DERA: variants seen among roughly 807,000 people sequenced by gnomAD.
DERA encodes the protein deoxyribose-phosphate aldolase.
Under a neutral mutation model 41.1 loss-of-function variants are expected in DERA, and 15 were observed. That is an observed-to-expected ratio of 0.37 (90% confidence interval 0.24 to 0.56). The LOEUF (loss-of-function observed/expected upper bound fraction) is 0.56, where lower values mean the gene tolerates loss of function less well. Among genes scored for constraint, DERA ranks in the 20% least tolerant of loss-of-function variants. DERA has a pLI of 0.81. For synonymous variants in DERA, 139 were observed against 137.4 expected, an observed-to-expected ratio of 1.01 and a Z score of -0.08; for missense variants, 396 against 403.4, an observed-to-expected ratio of 0.98 and a Z score of 0.16.
intron 1 of DERA, 68 bp from the exon 2 acceptor site, chr12:15,956,868 A>T: frequency 9.3e-7 from 1 of 1,078,124 alleles, no homozygotes; most frequent in Non-Finnish European, 1.4e-6. Context: ...TTCAAGGACC[A>T]TGTAAAAATA....
At chr12:15,944,663 C>T (rs1396419619) in intron 1 of DERA, among the ~76,000 whole-genome samples, 2 of 152,162 alleles carry the variant, frequency 1.3e-5, no homozygotes, top group Admixed American at 1.3e-4. Flanking sequence ...CAAAAATTTT[C>T]TCCCATTCTG....
chr12:15,947,744 C>T (rs139506146), intron 1 of DERA, among the ~76,000 whole-genome samples: 2,479 of 152,122 alleles, frequency 0.016, 76 homozygotes, highest in African/African-American at 0.057. Context: ...AATTTGATCC[C>T]GTCATTATGA....
At chr12:16,031,850 C>T (rs552088985) in intron 6 of DERA, among the ~76,000 whole-genome samples, 1 of 152,238 alleles carries the variant, frequency 6.6e-6, no homozygotes, top group African/African-American at 2.4e-5. Context: ...TGAATTAATA[C>T]TTGTAAAGCA....
At position 15,943,739 on chromosome 12, in the gene DERA, TTTA is replaced by T. The variant is rs1339618392; in HGVS notation, c.32-13192_32-13190del. Among the ~76,000 whole-genome samples the T allele has an allele frequency of 3.3e-5, 5 of 149,708 alleles. No homozygotes were observed. Among genetic ancestry groups the T allele is most frequent in the Non-Finnish European group, 5.9e-5 (4 of 67,416 alleles). ...TTTATTTATTTATTTATTTATTTAT[TTTA>T]TTATACTTTAAGTTCTAGGATACAT... On this transcript the variant is annotated intron_variant, in intron 1 of 8. Coordinates refer to ENST00000428559, the MANE Select transcript of DERA (RefSeq NM_015954.4). This position sits in a 1 kb window ranked among gnomAD's most constrained non-coding sequence, Gnocchi z 4.5.
Position 16,001,605 on chromosome 12 carries a change from T to G in DERA, c.637+19169T>G, listed in dbSNP as rs868298565. Reference sequence around the variant, plus strand: ...CTGGGGTGACTAGACACCACCAATTTCTGGAGGATCTGCCTGAGTTTATAT... The same window carrying G: ...CTGGGGTGACTAGACACCACCAATTGCTGGAGGATCTGCCTGAGTTTATAT... On this transcript the variant is annotated intron_variant, in intron 6 of 8. Transcript: ENST00000428559. This position sits in a 1 kb window ranked among gnomAD's most constrained non-coding sequence, Gnocchi z 4.1. Among the ~76,000 whole-genome samples, 22 of 152,226 alleles carry G rather than the reference T, an allele frequency of 1.4e-4. No individual in the cohort carries two copies. Among genetic ancestry groups the G allele is most frequent in the African/African-American group, 5.3e-4 (22 of 41,458 alleles).
At chr12:16,018,328 A>G (rs1010505580) in intron 6 of DERA, among the ~76,000 whole-genome samples, 1 of 152,154 alleles carries the variant, frequency 6.6e-6, no homozygotes. Context: ...AAATGAATAG[A>G]GCTTCATTAT....
At chr12:15,975,960 G>A (rs1189186193) in intron 5 of DERA, among the ~76,000 whole-genome samples, 2 of 152,100 alleles carry the variant, frequency 1.3e-5, no homozygotes, top group Admixed American at 1.3e-4. Context: ...CACTGCTATT[G>A]GGATGTTATT....
At chr12:16,016,223 T>A (rs1322524527) in intron 6 of DERA, among the ~76,000 whole-genome samples, 2 of 152,156 alleles carry the variant, frequency 1.3e-5, no homozygotes, top group Non-Finnish European at 1.5e-5. Flanking sequence ...ATTATATTGC[T>A]CCAAATCAGA....
At chr12:15,947,828 T>C (rs983050691) in intron 1 of DERA, among the ~76,000 whole-genome samples, 25 of 152,140 alleles carry the variant, frequency 1.6e-4, no homozygotes, top group African/African-American at 6.0e-4. Context: ...ATTTGGCATG[T>C]TTTTTCAGTG....
intron 6 of DERA, among the ~76,000 whole-genome samples, chr12:16,031,202 C>T (rs988773789): frequency 1.2e-4 from 19 of 152,224 alleles, no homozygotes; most frequent in Admixed American, 7.2e-4. Context: ...ACTTCTAGCT[C>T]ATTTGGTGAT....
chr12:16,029,222 C>T (rs916820654), intron 6 of DERA, among the ~76,000 whole-genome samples: 1 of 152,074 alleles, frequency 6.6e-6, no homozygotes, highest in African/African-American at 2.4e-5. Flanking sequence ...ATCACGAGGT[C>T]GGGAGATAGA....
chr12:16,033,758 GT>G (rs1949109374), intron 7 of DERA, among the ~76,000 whole-genome samples: 1 of 151,964 alleles, frequency 6.6e-6, no homozygotes, highest in Non-Finnish European at 1.5e-5. Context: ...TGTAGCTTCA[GT>G]TTATTTTGGA....
chr12:15,939,874 T>A (rs1948396895), intron 1 of DERA, among the ~76,000 whole-genome samples: 1 of 152,242 alleles, frequency 6.6e-6, no homozygotes, highest in African/African-American at 2.4e-5. Flanking sequence ...ATCAGATCGT[T>A]CTTTTATTCT....
At position 16,019,684 on chromosome 12, in the gene DERA, C is replaced by T. The variant is rs745841518; in HGVS notation, c.638-12858C>T. 4.2e-4 allele frequency among the ~76,000 whole-genome samples: 64 copies of T among 151,900 alleles called. No homozygotes were observed. Among genetic ancestry groups the T allele is most frequent in the Non-Finnish European group, 1.5e-4 (10 of 68,016 alleles). On this transcript the variant is annotated intron_variant, in intron 6 of 8. Coordinates refer to ENST00000428559, the MANE Select transcript of DERA (RefSeq NM_015954.4). The surrounding 1 kb of genome is among the most constrained non-coding windows in gnomAD (Gnocchi z 4.4). ...CCTCTCATCTTTAAATTTTGTCTCT[C>T]CTTGAAGGTCTGTAACACATTCCAT...
rs1308482305 is a variant in DERA at position 15,990,355 on chromosome 12, GATTA to G, written c.637+7923_637+7926del. On this transcript the variant is annotated intron_variant, in intron 6 of 8. Transcript: ENST00000428559. This position sits in a 1 kb window ranked among gnomAD's most constrained non-coding sequence, Gnocchi z 4.3. The stretch of plus-strand genomic sequence containing the variant: ...TTCAAAAAGAAAGGTACAAAAGAAT[GATTA>G]ATTGAGAATCACAATTAGATGTGGT... Among the ~76,000 whole-genome samples the G allele has an allele frequency of 6.6e-5, 10 of 152,294 alleles. No homozygotes were observed. The highest frequency in any genetic ancestry group is 2.0e-4 in the Admixed American group (3 of 15,302).
rs1251154419 is a variant in DERA, at chr12:15,957,937, T to C, written c.130-251T>C. Among the ~76,000 whole-genome samples, 2 of 152,060 alleles carry C rather than the reference T, an allele frequency of 1.3e-5. No homozygotes were observed. The highest frequency in any genetic ancestry group is 2.9e-5 in the Non-Finnish European group (2 of 68,008). On this transcript the variant is annotated intron_variant, in intron 2 of 8. Coordinates refer to ENST00000428559, the MANE Select transcript of DERA (RefSeq NM_015954.4). The surrounding 1 kb of genome is among the most constrained non-coding windows in gnomAD (Gnocchi z 4.8). ...GACATGGGCTAATAGGGGTTTCAAT[T>C]TGGGATATCTGTGGGAGAAAAAAAA...
intron 4 of DERA, among the ~76,000 whole-genome samples, chr12:15,962,400 G>T (rs1948593815): frequency 6.6e-6 from 1 of 152,200 alleles, no homozygotes; most frequent in South Asian, 2.1e-4. Context: ...AGTAAATCAA[G>T]ATAGCTAACT....
At position 15,918,134 on chromosome 12, in the gene DERA, C is replaced by T. The variant is rs1240970040; in HGVS notation, c.31+6720C>T. Reference sequence around the variant, plus strand: ...GCTTCCCCTGGCCCCAGCAGATGTTCTTCTCACTGTTCTCAGGCTCTGACC... The same window carrying T: ...GCTTCCCCTGGCCCCAGCAGATGTTTTTCTCACTGTTCTCAGGCTCTGACC... On this transcript the variant is annotated intron_variant, in intron 1 of 8. Transcript: ENST00000428559. This position sits in a 1 kb window ranked among gnomAD's most constrained non-coding sequence, Gnocchi z 4.3. Among the ~76,000 whole-genome samples the T allele has an allele frequency of 6.6e-6, 1 of 152,184 alleles. No individual in the cohort carries two copies. The highest frequency in any genetic ancestry group is 2.4e-5 in the African/African-American group (1 of 41,444).
At chr12:15,978,843 A>G (rs1948715476) in intron 5 of DERA, among the ~76,000 whole-genome samples, 1 of 152,238 alleles carries the variant, frequency 6.6e-6, no homozygotes, top group African/African-American at 2.4e-5. Context: ...CTTTGAAAAC[A>G]GGAACTGACA....
Sources: gnomAD v4.1 joint callset for allele counts (sites outside exome capture counted in the v4.1 genomes callset) on GRCh38, gnomAD v4.1.1 for gene constraint, Gnocchi (gnomAD v3.1) non-coding constraint, MANE v1.5 for transcripts, NCBI Gene and HGNC (gene_info 2026-07-23, HGNC 2026-07-21) for gene names.